The following CDH20 variants were observed in gnomAD, a reference collection of about 807,000 sequenced individuals.
CDH20 encodes the protein cadherin 20, also known as cadherin-20.
A neutral mutation model predicts 74.2 loss-of-function variants in CDH20; 29 were observed. The ratio of observed to expected loss-of-function variants is 0.39; its 90% CI spans 0.29 to 0.53. The LOEUF is 0.53. Ranked by LOEUF, CDH20 falls within the 20% of genes least tolerant of loss-of-function variation. CDH20 has a pLI of 0.69. For missense variants in CDH20, 988 were observed against 1,048.3 expected, an observed-to-expected ratio of 0.94 and a Z score of 0.79; for synonymous variants, 469 against 405.4, an observed-to-expected ratio of 1.16 and a Z score of -1.88.
intron 5 of CDH20, among the ~76,000 whole-genome samples, chr18:61,506,153 T>G (rs139960782): frequency 3.9e-5 from 6 of 152,356 alleles, no homozygotes; most frequent in South Asian, 2.1e-4. Flanking sequence ...ATGTAGAAAT[T>G]GTATGTAGAT....
intron 1 of CDH20, among the ~76,000 whole-genome samples, chr18:61,394,900 C>G (rs1388153876): frequency 6.6e-6 from 1 of 151,828 alleles, no homozygotes; most frequent in Non-Finnish European, 1.5e-5. Context: ...TGGGGTATTT[C>G]AATATTCTCC....
intron 1 of CDH20, among the ~76,000 whole-genome samples, chr18:61,471,879 G>T (rs1006166453): frequency 2.0e-5 from 3 of 152,152 alleles, no homozygotes; most frequent in African/African-American, 7.2e-5. Context: ...GAAACACTAA[G>T]TAATGGTAAG....
chr18:61,498,089 C>A (rs1911233262), intron 2 of CDH20, among the ~76,000 whole-genome samples: 2 of 152,134 alleles, frequency 1.3e-5, no homozygotes, highest in African/African-American at 4.8e-5. Flanking sequence ...TACTCCTGGA[C>A]TCCTTTTGAG....
chr18:61,356,781 G>A (rs1910509910), intron 1 of CDH20, among the ~76,000 whole-genome samples: 1 of 152,178 alleles, frequency 6.6e-6, no homozygotes, highest in Non-Finnish European at 1.5e-5. Context: ...ATAAGGTAGA[G>A]GGAGATTTAC....
chr18:61,373,306 C>A (rs547252857), intron 1 of CDH20, among the ~76,000 whole-genome samples: 4 of 151,282 alleles, frequency 2.6e-5, no homozygotes, highest in Non-Finnish European at 5.9e-5. Flanking sequence ...TGTTTTAATT[C>A]TCTCCAATAA....
At chr18:61,462,724 A>C (rs63209061) in intron 1 of CDH20, among the ~76,000 whole-genome samples, 1 of 81,534 alleles carries the variant, frequency 1.2e-5, no homozygotes, top group African/African-American at 6.0e-5. Context: ...AAAAAAAAAA[A>C]GGGGGGGGGG....
Position 61,359,170 on chromosome 18 carries a change from T to C in CDH20, c.-153+25343T>C, listed in dbSNP as rs574313391. ...GTTTCTGATTCCAACTTGGTAAATA[T>C]AATAAGTGACCATAATGTGATGTTC... On this transcript the variant is annotated intron_variant, in intron 1 of 11. Coordinates refer to ENST00000262717, the MANE Select transcript of CDH20 (RefSeq NM_031891.4). Among the ~76,000 whole-genome samples, 82 of 152,310 alleles carry C rather than the reference T, an allele frequency of 5.4e-4. 1 individual carries two copies. In the South Asian group the frequency reaches 0.017, roughly 31 times the overall value.
chr18:61,439,624 A>C (rs1908959508), intron 1 of CDH20, among the ~76,000 whole-genome samples: 1 of 152,202 alleles, frequency 6.6e-6, no homozygotes, highest in Non-Finnish European at 1.5e-5. Flanking sequence ...CAGACTAAAA[A>C]TCATTTTATA....
chr18:61,383,497 C>T (rs763392244), intron 1 of CDH20, among the ~76,000 whole-genome samples: 2 of 152,114 alleles, frequency 1.3e-5, no homozygotes, highest in African/African-American at 2.4e-5. Flanking sequence ...AGGAGAATCG[C>T]TTGAACCCGG....
At chr18:61,470,873 T>C (rs572650710) in intron 1 of CDH20, among the ~76,000 whole-genome samples, 23 of 152,100 alleles carry the variant, frequency 1.5e-4, no homozygotes, top group African/African-American at 5.3e-4. Flanking sequence ...TTCTATCTTC[T>C]CCTCTTTCTC....
At chr18:61,343,857 A>T (rs1279192348) in intron 1 of CDH20, among the ~76,000 whole-genome samples, 5 of 152,148 alleles carry the variant, frequency 3.3e-5, no homozygotes, top group African/African-American at 1.2e-4. Context: ...AAGGAAGCAT[A>T]TTTTATCCCA....
At chr18:61,346,142 GGAGT>G (rs1384830689) in intron 1 of CDH20, among the ~76,000 whole-genome samples, 2 of 152,192 alleles carry the variant, frequency 1.3e-5, no homozygotes, top group Non-Finnish European at 2.9e-5. Context: ...AACTAGGACA[GGAGT>G]AAGTGAGAAA....
At chr18:61,432,615 G>C (rs1913294280) in intron 1 of CDH20, among the ~76,000 whole-genome samples, 2 of 152,120 alleles carry the variant, frequency 1.3e-5, no homozygotes, top group African/African-American at 2.4e-5. Flanking sequence ...GTGTTTTGAA[G>C]GGCATTTTCC....
chr18:61,423,935 TA>T (rs1219741176), intron 1 of CDH20, among the ~76,000 whole-genome samples: 3 of 152,350 alleles, frequency 2.0e-5, no homozygotes, highest in African/African-American at 4.8e-5. Context: ...TAAATGTTTA[TA>T]TTTTTTCTAA....
chr18:61,554,282 TACG>T lies in CDH20; in HGVS notation c.2001_2003del (p.Asp667del). 1 of 1,613,954 alleles carries T rather than the reference TACG, an allele frequency of 6.2e-7. No individual in the cohort carries two copies. Among genetic ancestry groups the T allele is most frequent in the Non-Finnish European group, 8.5e-7 (1 of 1,179,996 alleles). On this transcript the variant is annotated inframe_deletion, in exon 12 of 12. Transcript: ENST00000262717. ...AAACATCCACGAGAACATCGTCCGCTACGACGACGAGGGCGGCGGCGAGGAGGA... is the reference window on the plus strand; with the variant it reads ...AAACATCCACGAGAACATCGTCCGCTACGACGAGGGCGGCGGCGAGGAGGA...
chr18:61,392,266 T>C (rs1911812590), intron 1 of CDH20, among the ~76,000 whole-genome samples: 1 of 146,572 alleles, frequency 6.8e-6, no homozygotes, highest in African/African-American at 2.5e-5. Flanking sequence ...CATCTCCACA[T>C]TGTGCCCATT....
At chr18:61,429,742 T>C (rs1913189401) in intron 1 of CDH20, among the ~76,000 whole-genome samples, 1 of 152,180 alleles carries the variant, frequency 6.6e-6, no homozygotes, top group African/African-American at 2.4e-5. Flanking sequence ...CCCAGTAAGA[T>C]GCCTGTCAAA....
intron 1 of CDH20, among the ~76,000 whole-genome samples, chr18:61,474,731 G>A (rs970413840): frequency 2.6e-5 from 4 of 152,170 alleles, no homozygotes; most frequent in African/African-American, 9.7e-5. Flanking sequence ...ACTGTCCTCA[G>A]AGAATTTGCA....
At position 61,490,634 on chromosome 18, in the gene CDH20, C is replaced by T. The variant is rs374837740; in HGVS notation, c.81C>T (p.Asp27=). 2 of 1,613,848 alleles carry T rather than the reference C, an allele frequency of 1.2e-6. No homozygotes were observed. Among genetic ancestry groups the T allele is most frequent in the African/African-American group, 2.7e-5 (2 of 74,842 alleles). ...CCTTGTACTTCTGGGGGCTGATGGA[C>T]CTTACGACCACCGTTCTCTCGGACA... is the stretch of plus-strand genomic sequence containing the variant. The part of the protein sequence containing the change: ...GMSLYFWGLM[D]LTTTVLSDTP... Residue 27 remains aspartate, a synonymous_variant, in exon 2 of 12, where the codon GAC becomes GAT. Transcript: ENST00000262717.
Sources: gnomAD v4.1 joint callset for allele counts (sites outside exome capture counted in the v4.1 genomes callset) on GRCh38, gnomAD v4.1.1 for gene constraint, MANE v1.5 for transcripts, NCBI Gene and HGNC (gene_info 2026-07-23, HGNC 2026-07-21) for gene names.